RNFT2: variants seen among roughly 807,000 people sequenced by gnomAD.
The protein encoded by RNFT2 is E3 ubiquitin-protein ligase RNFT2.
A neutral mutation model predicts 53.0 loss-of-function variants in RNFT2; 36 were observed. The observed-to-expected ratio is 0.68, with a 90% CI of 0.52 to 0.90. RNFT2 has a LOEUF of 0.90. RNFT2 is among the 40% of genes least tolerant of loss of function. The pLI, the probability that RNFT2 is intolerant of heterozygous loss-of-function variation, is 0.00. For missense variants in RNFT2, 514 were observed against 585.6 expected (o/e 0.88, Z 1.26); for synonymous variants, 260 against 253.2 (o/e 1.03, Z -0.26).
intron 6 of RNFT2, among the ~76,000 whole-genome samples, chr12:116,773,101 A>C (rs1296707175): frequency 2.6e-5 from 4 of 152,200 alleles, no homozygotes; most frequent in African/African-American, 9.6e-5. Flanking sequence ...TGCTGGGATT[A>C]CAGGTATGAG....
intron 3 of RNFT2, among the ~76,000 whole-genome samples, chr12:116,741,355 T>C (rs907565365): frequency 2.2e-4 from 33 of 152,234 alleles, no homozygotes; most frequent in African/African-American, 8.0e-4. Context: ...GATGTCTTAG[T>C]CCATACAGGC....
At chr12:116,834,709 G>T (rs1876866170) in intron 8 of RNFT2, among the ~76,000 whole-genome samples, 1 of 152,038 alleles carries the variant, frequency 6.6e-6, no homozygotes, top group African/African-American at 2.4e-5. Context: ...TTGTATTTTT[G>T]AGGTTCATCC....
intron 10 of RNFT2, among the ~76,000 whole-genome samples, chr12:116,846,768 AT>A (rs973593915): frequency 8.6e-5 from 13 of 150,618 alleles, no homozygotes; most frequent in South Asian, 2.1e-4. Flanking sequence ...TTTGACATCA[AT>A]TTTTTTTTCC....
chr12:116,849,522 G>A lies in RNFT2; in HGVS notation c.*74G>A. 1.3e-6 allele frequency: 2 copies of A among 1,484,534 alleles called. No homozygotes were observed. Among genetic ancestry groups the A allele is most frequent in the East Asian group, 2.4e-5 (1 of 40,924 alleles). The allele number at this position is 1,484,534 out of a possible 1,614,324, so 92.0% of individuals were successfully genotyped here. A position where few individuals can be genotyped will look rare whatever the true frequency, so the allele number is the denominator to read the frequency against. ...GGACCCAGCCCTGCGGGGGCTTCCT[G>A]AGAAACAGGCCTCAAGCACTTACAT... On this transcript the variant is annotated 3_prime_UTR_variant, in exon 11 of 11. Coordinates refer to ENST00000257575, the MANE Select transcript of RNFT2 (RefSeq NM_001382266.1).
intron 7 of RNFT2, among the ~76,000 whole-genome samples, chr12:116,787,718 GAAA>G (rs55938203): frequency 2.3e-4 from 32 of 141,108 alleles, no homozygotes; most frequent in African/African-American, 6.8e-4. Flanking sequence ...GTCTCTAAAA[GAAA>G]AAAAAAAAAA....
intron 7 of RNFT2, among the ~76,000 whole-genome samples, chr12:116,824,601 TAGAG>T (rs1360279821): frequency 1.3e-5 from 2 of 152,000 alleles, no homozygotes; most frequent in Non-Finnish European, 2.9e-5. Flanking sequence ...GACAGTAGGA[TAGAG>T]AAAGTGGGGA....
chr12:116,764,366 G>C (rs889134795), intron 5 of RNFT2, among the ~76,000 whole-genome samples: 1 of 151,794 alleles, frequency 6.6e-6, no homozygotes, highest in African/African-American at 2.4e-5. Context: ...TTTTTTTAAA[G>C]TCTGTGCTTT....
At chr12:116,745,335 C>T (rs1233030887) in intron 3 of RNFT2, among the ~76,000 whole-genome samples, 3 of 151,950 alleles carry the variant, frequency 2.0e-5, no homozygotes, top group South Asian at 2.1e-4. Flanking sequence ...CCACCATGCC[C>T]GGCTAATTTT....
intron 7 of RNFT2, among the ~76,000 whole-genome samples, chr12:116,781,037 A>G (rs1873675259): frequency 6.6e-6 from 1 of 152,296 alleles, no homozygotes; most frequent in South Asian, 2.1e-4. Flanking sequence ...GTTGTGGGAA[A>G]TACAGAGTGC....
intron 7 of RNFT2, among the ~76,000 whole-genome samples, chr12:116,800,512 A>C (rs1874716095): frequency 6.6e-6 from 1 of 152,112 alleles, no homozygotes; most frequent in South Asian, 2.1e-4. Flanking sequence ...GGTTGCCTGT[A>C]ATCCCAGCTA....
intron 10 of RNFT2, among the ~76,000 whole-genome samples, chr12:116,848,266 T>C (rs1877719491): frequency 1.3e-5 from 2 of 152,348 alleles, no homozygotes; most frequent in South Asian, 2.1e-4. Flanking sequence ...TTTGGGTTGA[T>C]TCCATGTCTT....
intron 7 of RNFT2, among the ~76,000 whole-genome samples, chr12:116,818,745 C>T (rs974407755): frequency 1.3e-5 from 2 of 152,082 alleles, no homozygotes; most frequent in African/African-American, 4.8e-5. Context: ...GGTACAAGTC[C>T]CAGTTCTGCA....
chr12:116,753,148 C>CTTTTTTTTTTTTTTTTTTTTTT (rs11377177), intron 4 of RNFT2, among the ~76,000 whole-genome samples: 17 of 93,688 alleles, frequency 1.8e-4, no homozygotes, highest in African/African-American at 2.2e-4. Context: ...TTTTCTTTTT[C>CTTTTTTTTTTTTTTTTTTTTTT]TTTTTTTTTT....
intron 4 of RNFT2, among the ~76,000 whole-genome samples, chr12:116,750,892 A>C (rs868837410): frequency 1.1e-3 from 1 of 888 alleles, no homozygotes; most frequent in Non-Finnish European, 4.2e-3. Context: ...TATATATATA[A>C]TATATATATA....
At chr12:116,759,189 G>A (rs1157227455) in intron 5 of RNFT2, among the ~76,000 whole-genome samples, 1 of 152,106 alleles carries the variant, frequency 6.6e-6, no homozygotes, top group African/African-American at 2.4e-5. Context: ...CTAAAAATGT[G>A]TCCAAAGTTT....
At chr12:116,818,185 TG>T (rs1347833778) in intron 7 of RNFT2, among the ~76,000 whole-genome samples, 2 of 152,048 alleles carry the variant, frequency 1.3e-5, no homozygotes, top group African/African-American at 4.8e-5. Context: ...ATCTGGGGCA[TG>T]GTGGCACACA....
intron 4 of RNFT2, among the ~76,000 whole-genome samples, chr12:116,750,879 T>C (rs1872200316): frequency 2.5e-4 from 1 of 4,044 alleles, no homozygotes; most frequent in East Asian, 0.042. Flanking sequence ...ATAATATATA[T>C]ATTATATATA....
chr12:116,833,861 T>G lies in RNFT2; in HGVS notation c.952T>G (p.Tyr318Asp), dbSNP rs1289471391. The G allele has an allele frequency of 1.2e-6, 2 of 1,613,486 alleles. No individual in the cohort carries two copies. The highest frequency in any genetic ancestry group is 1.7e-6 in the Non-Finnish European group (2 of 1,179,678). Residue 318 changes from tyrosine to aspartate, a missense_variant, in exon 8 of 11, where the codon TAC becomes GAC. This residue lies in a region of RNFT2 where 273 missense variants were observed against 334.4 expected (regional missense o/e 0.82). Transcript: ENST00000257575. ...ATCCCTTGTCCCCATCCAGCTGTGG[T>G]ACAAATACATCATGGGTGACGACTC... ...FRSLVPIQLW[Y>D]KYIMGDDSSN... is the part of the protein sequence containing the mutation.
chr12:116,841,524 G>A (rs1296999755), intron 10 of RNFT2, among the ~76,000 whole-genome samples: 1 of 150,912 alleles, frequency 6.6e-6, no homozygotes, highest in African/African-American at 2.4e-5. Flanking sequence ...GAGGCAGGCG[G>A]ATCACCTGAG....
Sources: gnomAD v4.1 joint callset for allele counts (sites outside exome capture counted in the v4.1 genomes callset) on GRCh38, gnomAD v4.1.1 for gene constraint, gnomAD v4.1.1 regional missense constraint, MANE v1.5 for transcripts, NCBI Gene and HGNC (gene_info 2026-07-23, HGNC 2026-07-21) for gene names.